TEX9: variants seen among roughly 807,000 people sequenced by gnomAD.
The protein encoded by TEX9 is testis expressed 9, also known as testis-expressed protein 9.
In TEX9, 74 loss-of-function variants were observed where a neutral mutation model predicts 59.6. The ratio of observed to expected loss-of-function variants is 1.24; its 90% CI spans 1.03 to 1.51. TEX9 has a LOEUF of 1.51. TEX9 is among the 40% of genes most tolerant of loss of function. TEX9 has a pLI of 0.00. For synonymous variants in TEX9, 186 were observed against 152.2 expected, an observed-to-expected ratio of 1.22 and a Z score of -1.64; for missense variants, 522 against 447.8, an observed-to-expected ratio of 1.17 and a Z score of -1.49.
At chr15:56,300,531 A>C (rs1240275399) in intron 1 of TEX9, among the ~76,000 whole-genome samples, 3 of 150,674 alleles carry the variant, frequency 2.0e-5, no homozygotes, top group Non-Finnish European at 4.4e-5. Flanking sequence ...GAGCCCTTGG[A>C]CCTTGAGGGA....
intron 1 of TEX9, among the ~76,000 whole-genome samples, chr15:56,272,944 T>TTG (rs2044577640): frequency 1.4e-5 from 2 of 142,350 alleles, no homozygotes; most frequent in East Asian, 2.4e-4. Context: ...ATTTATTTTT[T>TTG]TTGTTGTTGT....
chr15:56,292,251 T>C lies in TEX9; in HGVS notation c.-107+47973T>C, dbSNP rs75555209. The stretch of plus-strand genomic sequence containing the variant: ...GGTGGCGTCCTCTTACCAAGGAACA[T>C]AGAGTACCTATAAACTTAAAGCTAT... On this transcript the variant is annotated intron_variant, in intron 1 of 5. Coordinates refer to the TEX9 transcript ENST00000560827. Among the ~76,000 whole-genome samples the C allele has an allele frequency of 2.5e-3, 381 of 152,320 alleles. 2 individuals are homozygous for C. Among genetic ancestry groups the C allele is most frequent in the Middle Eastern group, 6.8e-3 (2 of 294 alleles).
chr15:56,354,798 G>A (rs1267174059), intron 1 of TEX9, among the ~76,000 whole-genome samples: 2 of 152,110 alleles, frequency 1.3e-5, no homozygotes, highest in African/African-American at 4.8e-5. Context: ...AAATAGTGGT[G>A]CACTTTTAAT....
downstream of TEX9, among the ~76,000 whole-genome samples, chr15:56,448,373 G>GT (rs1567152558): frequency 6.6e-6 from 1 of 152,124 alleles, no homozygotes; most frequent in Non-Finnish European, 1.5e-5. Flanking sequence ...CAAATGGGTT[G>GT]TTTTTTAACC....
At chr15:56,460,009 A>AAAAAAAAAAAAAAATATAT in the TEX9 span, among the ~76,000 whole-genome samples, 7 of 26,380 alleles carry the variant, frequency 2.7e-4, 2 homozygotes, top group East Asian at 1.1e-3. Flanking sequence ...AAAAAAAAAA[A>AAAAAAAAAAAAAAATATAT]ATACATATAT....
chr15:56,442,940 T>C (rs1209957217), intron 12 of TEX9, among the ~76,000 whole-genome samples: 1 of 152,102 alleles, frequency 6.6e-6, no homozygotes, highest in Non-Finnish European at 1.5e-5. Flanking sequence ...ACTCTGATTG[T>C]GGATTTGCCT....
chr15:56,425,212 T>C (rs1466633064), intron 10 of TEX9, among the ~76,000 whole-genome samples: 1 of 152,218 alleles, frequency 6.6e-6, no homozygotes, highest in Non-Finnish European at 1.5e-5. Flanking sequence ...TGTCTTGCTG[T>C]GGGTCTCTGG....
At chr15:56,428,662 A>T in intron 12 of TEX9, 1 of 410,516 alleles carries the variant, frequency 2.4e-6, no homozygotes, top group Non-Finnish European at 4.3e-6. Context: ...ACATCAGATA[A>T]TAAAATTCTT....
chr15:56,319,146 T>C (rs1425389262), intron 1 of TEX9, among the ~76,000 whole-genome samples: 1 of 151,986 alleles, frequency 6.6e-6, no homozygotes, highest in Non-Finnish European at 1.5e-5. Flanking sequence ...TATTATCCTA[T>C]TATCACTATA....
chr15:56,433,780 T>C (rs2050665246), intron 12 of TEX9, among the ~76,000 whole-genome samples: 1 of 152,226 alleles, frequency 6.6e-6, no homozygotes, highest in South Asian at 2.1e-4. Context: ...GTTCATGATC[T>C]GTTTCTCTCT....
At chr15:56,399,696 A>C (rs762855268) in intron 9 of TEX9, among the ~76,000 whole-genome samples, 1 of 152,136 alleles carries the variant, frequency 6.6e-6, no homozygotes, top group Non-Finnish European at 1.5e-5. Context: ...TAACTGTGAC[A>C]CACCTCCCAG....
At chr15:56,376,543 G>A (rs896142446) in intron 3 of TEX9, among the ~76,000 whole-genome samples, 3 of 152,042 alleles carry the variant, frequency 2.0e-5, no homozygotes, top group Admixed American at 1.3e-4. Flanking sequence ...TGTTTGCCAT[G>A]TGTGTGTTTT....
intron 10 of TEX9, among the ~76,000 whole-genome samples, chr15:56,427,316 G>T (rs754858573): frequency 2.1e-4 from 32 of 151,910 alleles, no homozygotes; most frequent in Non-Finnish European, 3.7e-4. Flanking sequence ...TATTATTTTT[G>T]AAAATTCATA....
At chr15:56,362,158 T>C (rs2046802223), upstream of TEX9, among the ~76,000 whole-genome samples, 2 of 152,366 alleles carry the variant, frequency 1.3e-5, no homozygotes, top group South Asian at 4.1e-4. Flanking sequence ...TCTATAAATG[T>C]CAATTAGATC....
At chr15:56,386,588 AT>A (rs1226590843) in intron 4 of TEX9, among the ~76,000 whole-genome samples, 2 of 151,946 alleles carry the variant, frequency 1.3e-5, no homozygotes, top group East Asian at 3.8e-4. Context: ...ACATTTTTAT[AT>A]TTTGATAGAC....
chr15:56,332,386 G>A (rs1436825288), intron 1 of TEX9, among the ~76,000 whole-genome samples: 145 of 150,054 alleles, frequency 9.7e-4, no homozygotes, highest in Middle Eastern at 6.9e-3. Context: ...ACCAAACACC[G>A]CATATTCTCA....
intron 2 of TEX9, among the ~76,000 whole-genome samples, chr15:56,369,561 C>T (rs2047097260): frequency 1.3e-5 from 2 of 152,110 alleles, no homozygotes; most frequent in African/African-American, 4.8e-5. Flanking sequence ...TCTTTAACTC[C>T]TGGTCTCAAA....
chr15:56,277,155 T>C (rs1470059283), intron 1 of TEX9, among the ~76,000 whole-genome samples: 3 of 152,186 alleles, frequency 2.0e-5, no homozygotes, highest in Non-Finnish European at 2.9e-5. Context: ...TTGTTTTTGC[T>C]ATGTAGAAGC....
intron 1 of TEX9, among the ~76,000 whole-genome samples, chr15:56,270,075 C>G (rs1405315517): frequency 6.6e-6 from 1 of 152,112 alleles, no homozygotes; most frequent in East Asian, 1.9e-4. Context: ...ACTATGTGGT[C>G]AATTTTGGGA....
Sources: gnomAD v4.1 joint callset for allele counts (sites outside exome capture counted in the v4.1 genomes callset) on GRCh38, gnomAD v4.1.1 for gene constraint, MANE v1.5 for transcripts, NCBI Gene and HGNC (gene_info 2026-07-23, HGNC 2026-07-21) for gene names.